Variants in YES1 observed in about 807,000 individuals in gnomAD.
YES1 encodes the protein YES proto-oncogene 1, Src family tyrosine kinase.
YES1 carries 39 observed loss-of-function variants against 70.4 expected under a neutral mutation model. The observed-to-expected ratio is 0.55, with a 90% CI of 0.43 to 0.72. YES1 has a LOEUF of 0.72. YES1 is among the 30% of genes least tolerant of loss of function. YES1 has a pLI of 0.00. For missense variants in YES1, 495 were observed against 644.8 expected, an observed-to-expected ratio of 0.77 and a Z score of 2.52; for synonymous variants, 198 against 218.6, an observed-to-expected ratio of 0.91 and a Z score of 0.83.
intron 1 of YES1, among the ~76,000 whole-genome samples, chr18:764,810 G>C (rs1225917188): frequency 6.6e-6 from 1 of 151,440 alleles, no homozygotes; most frequent in Non-Finnish European, 1.5e-5. Context: ...TCGACTCACT[G>C]TAACCTCCGC....
At chr18:795,751 G>A (rs1193106876) in intron 1 of YES1, among the ~76,000 whole-genome samples, 1 of 105,666 alleles carries the variant, frequency 9.5e-6, no homozygotes, top group African/African-American at 3.7e-5. Context: ...ACTGGGGCCT[G>A]TTAGGGGGTG....
At chr18:743,438 C>G in intron 6 of YES1, 23 bp from the exon 7 acceptor site, 1 of 1,577,762 alleles carries the variant, frequency 6.3e-7, no homozygotes, top group Non-Finnish European at 8.6e-7. Context: ...ATAAACTATA[C>G]TGTAATATCA....
chr18:777,449 C>A (rs1392748112), intron 1 of YES1, among the ~76,000 whole-genome samples: 1 of 152,172 alleles, frequency 6.6e-6, no homozygotes, highest in Non-Finnish European at 1.5e-5. Context: ...TATTTCCTAA[C>A]TTATCAACTC....
chr18:749,138 G>T (rs1225264428), intron 3 of YES1, among the ~76,000 whole-genome samples: 3 of 151,322 alleles, frequency 2.0e-5, no homozygotes, highest in Admixed American at 2.0e-4. Flanking sequence ...TCCAGCCTGG[G>T]CTACAGAGCG....
chr18:753,925 A>G (rs888253270), intron 2 of YES1, among the ~76,000 whole-genome samples: 1 of 152,150 alleles, frequency 6.6e-6, no homozygotes, highest in Non-Finnish European at 1.5e-5. Flanking sequence ...TCAGGTACTC[A>G]AGCCGAGTCC....
At chr18:783,877 G>A (rs750812978) in intron 1 of YES1, among the ~76,000 whole-genome samples, 6 of 152,120 alleles carry the variant, frequency 3.9e-5, no homozygotes. Context: ...GCCTCCCAAA[G>A]TGCTGGGATT....
At chr18:747,528 T>C (rs2080294808) in intron 4 of YES1, among the ~76,000 whole-genome samples, 1 of 152,162 alleles carries the variant, frequency 6.6e-6, no homozygotes. Flanking sequence ...TATATACCAA[T>C]ATACCCATCC....
At chr18:764,619 G>C (rs1038278801) in intron 1 of YES1, among the ~76,000 whole-genome samples, 2 of 152,178 alleles carry the variant, frequency 1.3e-5, no homozygotes, top group African/African-American at 4.8e-5. Context: ...GTTCGTTTTA[G>C]GTTCATGCTG....
intron 2 of YES1, 62 bp downstream of exon 2, chr18:756,495 A>G: frequency 1.3e-6 from 2 of 1,572,810 alleles, no homozygotes; most frequent in Non-Finnish European, 8.7e-7. Context: ...ACAAGCCTTA[A>G]GTATATATTA....
chr18:800,329 G>A (rs1906755393), intron 1 of YES1, among the ~76,000 whole-genome samples: 1 of 152,148 alleles, frequency 6.6e-6, no homozygotes. Context: ...AACAACTTTA[G>A]TAACCAAAAC....
chr18:756,721 G>T lies in YES1; in HGVS notation c.107C>A (p.Pro36His). 1 of 1,614,164 alleles carries T rather than the reference G, an allele frequency of 6.2e-7. No homozygotes were observed. The highest frequency in any genetic ancestry group is 8.5e-7 in the Non-Finnish European group (1 of 1,180,032). The change falls in exon 2 of 12, where the codon CCC becomes CAC. Residue 36 changes from proline (P) to histidine (H), a missense_variant. Transcript: ENST00000314574. ...STSVSHYGAEPTTVSPCPSSS... is the reference protein window; with the variant it reads ...STSVSHYGAEHTTVSPCPSSS... ...TGACGGACATGGTGACACTGTAGTG[G>T]GTTCTGCTCCATAATGGCTCACACT...
In YES1 at chr18:724,383, A is replaced by T; in HGVS notation, c.*41T>A. On this transcript the variant is annotated 3_prime_UTR_variant, in exon 12 of 12. Coordinates refer to ENST00000314574, the MANE Select transcript of YES1 (RefSeq NM_005433.4). ...TGTAGAAAATCTACACAAGTTCTTT[A>T]TATTTTGGCAGATTTGTGCATATAA... 1 of 1,545,560 alleles carries T rather than the reference A, an allele frequency of 6.5e-7. No homozygotes were observed. Among genetic ancestry groups the T allele is most frequent in the Non-Finnish European group, 8.9e-7 (1 of 1,124,914 alleles).
rs71174281 is a variant in YES1, at chr18:735,161, C to CAA, written c.1291+1645_1291+1646dup. 5.2e-4 allele frequency among the ~76,000 whole-genome samples: 58 copies of CAA among 110,688 alleles called. 4 individuals carry two copies. The highest frequency in any genetic ancestry group is 1.9e-3 in the African/African-American group (56 of 29,480). 72.6% of individuals were successfully genotyped at this position (110,688 alleles called of 152,430 possible). On this transcript the variant is annotated intron_variant, in intron 10 of 11. Coordinates refer to ENST00000314574, the MANE Select transcript of YES1 (RefSeq NM_005433.4). ...AACAGATTGAGACTGTGTCTCAAAG[C>CAA]AAAAAAAAAAAAATCATTATATGAA... is the stretch of plus-strand genomic sequence containing the variant.
At chr18:776,776 G>C (rs142911366) in intron 1 of YES1, among the ~76,000 whole-genome samples, 1 of 152,116 alleles carries the variant, frequency 6.6e-6, no homozygotes, top group African/African-American at 2.4e-5. Context: ...AACCCAAGGA[G>C]GTTCTAAAAT....
At chr18:792,194 C>T (rs1906286373) in intron 1 of YES1, among the ~76,000 whole-genome samples, 1 of 152,038 alleles carries the variant, frequency 6.6e-6, no homozygotes, top group Non-Finnish European at 1.5e-5. Context: ...ATCCCAGCTA[C>T]TCCAGAGGCT....
rs11324966 is a variant in YES1, at chr18:770,268, C to CTT, written c.-8-13435_-8-13434dup. ...GAGCCACTGCGCCCGGCCCTTTTAT[C>CTT]TTTTTTTTTTTTTTTTTAAGAGTTT... On this transcript the variant is annotated intron_variant, in intron 1 of 11. Coordinates refer to ENST00000314574, the MANE Select transcript of YES1 (RefSeq NM_005433.4). Among the ~76,000 whole-genome samples the CTT allele has an allele frequency of 8.6e-5, 12 of 140,154 alleles. 1 individual carries two copies. Among genetic ancestry groups the CTT allele is most frequent in the African/African-American group, 2.4e-4 (9 of 38,026 alleles). 91.9% of individuals were successfully genotyped at this position (140,154 alleles called of 152,430 possible).
intron 1 of YES1, among the ~76,000 whole-genome samples, chr18:792,547 CTCTCT>C (rs1906308521): frequency 7.5e-6 from 1 of 132,874 alleles, no homozygotes; most frequent in African/African-American, 3.1e-5. Flanking sequence ...CTCTCTCTCT[CTCTCT>C]CTCCCTCTGT....
intron 9 of YES1, among the ~76,000 whole-genome samples, chr18:737,839 C>G (rs765248264): frequency 3.9e-5 from 6 of 152,162 alleles, no homozygotes; most frequent in Non-Finnish European, 5.9e-5. Context: ...CCCACCTCAG[C>G]CTAGTGAGTA....
chr18:733,030 A>T, intron 10 of YES1, 65 bp from the exon 11 acceptor site: 1 of 1,516,014 alleles, frequency 6.6e-7, no homozygotes, highest in South Asian at 1.1e-5. Flanking sequence ...AACATAGCAT[A>T]TGCAGGGCTA....
Sources: allele counts gnomAD v4.1 joint callset (sites outside exome capture counted in the v4.1 genomes callset), GRCh38; gene constraint gnomAD v4.1.1; transcripts MANE v1.5; gene names NCBI Gene and HGNC (gene_info 2026-07-23, HGNC 2026-07-21).